The following MSI2 variants were observed in gnomAD, a reference collection of about 807,000 sequenced individuals.
MSI2 encodes the protein RNA-binding protein Musashi homolog 2.
Under a neutral mutation model 45.6 loss-of-function variants are expected in MSI2, and 17 were observed. The ratio of observed to expected loss-of-function variants is 0.37; its 90% CI spans 0.26 to 0.56. The LOEUF is 0.56. Ranked by LOEUF, MSI2 falls within the 20% of genes least tolerant of loss-of-function variation. The pLI is 0.77. For synonymous variants in MSI2, 156 were observed against 158.2 expected (o/e 0.99, Z 0.11); for missense variants, 293 against 444.2 (o/e 0.66, Z 3.06).
chr17:57,322,454 A>T (rs1913426943), intron 5 of MSI2, among the ~76,000 whole-genome samples: 1 of 152,236 alleles, frequency 6.6e-6, no homozygotes, highest in Admixed American at 6.5e-5. Context: ...TGACAATGGA[A>T]ACTATTTTTG....
intron 5 of MSI2, among the ~76,000 whole-genome samples, chr17:57,342,117 T>C (rs1023134716): frequency 3.9e-5 from 6 of 152,204 alleles, no homozygotes; most frequent in Non-Finnish European, 8.8e-5. Context: ...CTCCTCTCAT[T>C]AGGAATTGAA....
At chr17:57,438,073 C>A (rs2084723144) in intron 6 of MSI2, among the ~76,000 whole-genome samples, 1 of 152,152 alleles carries the variant, frequency 6.6e-6, no homozygotes, top group Non-Finnish European at 1.5e-5. Context: ...CCCTTCTGAA[C>A]ATGTTTGGCC....
chr17:57,603,347 G>A (rs1409257473), intron 8 of MSI2, among the ~76,000 whole-genome samples: 3 of 152,212 alleles, frequency 2.0e-5, no homozygotes, highest in Admixed American at 6.5e-5. Context: ...GACCTGCTGG[G>A]TCACTTAGAG....
chr17:57,488,796 C>T (rs182607321), intron 6 of MSI2, among the ~76,000 whole-genome samples: 6 of 151,624 alleles, frequency 4.0e-5, no homozygotes, highest in Non-Finnish European at 8.8e-5. Flanking sequence ...TGCACTCCAG[C>T]TTGGGCAACA....
intron 7 of MSI2, among the ~76,000 whole-genome samples, chr17:57,577,371 A>G (rs148674432): frequency 8.5e-4 from 129 of 152,312 alleles, no homozygotes; most frequent in Non-Finnish European, 1.6e-3. Flanking sequence ...CCACTTTGCA[A>G]ACCACTGGTG....
chr17:57,643,722 C>A (rs1910428402), intron 10 of MSI2, among the ~76,000 whole-genome samples: 1 of 152,254 alleles, frequency 6.6e-6, no homozygotes, highest in African/African-American at 2.4e-5. Context: ...TGCGATGCAC[C>A]TTCCTTTTAG....
intron 6 of MSI2, among the ~76,000 whole-genome samples, chr17:57,422,974 G>C (rs916476601): frequency 1.2e-4 from 19 of 152,094 alleles, no homozygotes; most frequent in Non-Finnish European, 2.4e-4. Context: ...ACTTCAGGAG[G>C]CTCCAGATGA....
intron 6 of MSI2, among the ~76,000 whole-genome samples, chr17:57,416,476 T>G (rs946805891): frequency 1.3e-5 from 2 of 152,232 alleles, no homozygotes; most frequent in African/African-American, 4.8e-5. Context: ...GCAGCCGCTG[T>G]AATTCACTTG....
intron 10 of MSI2, chr17:57,631,091 T>C (rs527820704): frequency 2.0e-5 from 3 of 152,440 alleles, no homozygotes; most frequent in Non-Finnish European, 4.4e-5. Flanking sequence ...GTGTCCTCAC[T>C]GTATGCCCAC....
chr17:57,356,045 TTC>T (rs56683527), intron 5 of MSI2, among the ~76,000 whole-genome samples: 1,917 of 152,206 alleles, frequency 0.013, 48 homozygotes, highest in African/African-American at 0.042. Context: ...AGCTAATTTT[TTC>T]TGTTTTTAGT....
chr17:57,324,332 G>T (rs1358331752), intron 5 of MSI2, among the ~76,000 whole-genome samples: 1 of 152,164 alleles, frequency 6.6e-6, no homozygotes, highest in Non-Finnish European at 1.5e-5. Context: ...TGAGGTGGCT[G>T]CACAGACAGG....
intron 6 of MSI2, among the ~76,000 whole-genome samples, chr17:57,481,934 A>T (rs1159005919): frequency 6.6e-6 from 1 of 152,252 alleles, no homozygotes; most frequent in Non-Finnish European, 1.5e-5. Flanking sequence ...TTATGAAATC[A>T]GTAAATTATT....
Position 57,529,534 on chromosome 17 carries a change from T to C in MSI2, c.406-142T>C, listed in dbSNP as rs2086777549. On this transcript the variant is annotated intron_variant, in intron 6 of 13. Transcript: ENST00000284073. This position sits in a 1 kb window ranked among gnomAD's most constrained non-coding sequence, Gnocchi z 5.3. The stretch of plus-strand genomic sequence containing the variant: ...CCACTGTTTTTTTTTCTTTCTACTT[T>C]TTTGCATTTTCAAATATTTTTTGAT... 1.4e-6 allele frequency: 1 copy of C among 721,010 alleles called. No individual in the cohort carries two copies. Among genetic ancestry groups the C allele is most frequent in the Non-Finnish European group, 2.4e-6 (1 of 421,582 alleles). 44.7% of individuals were successfully genotyped at this position (721,010 alleles called of 1,614,324 possible). A position where few individuals can be genotyped will look rare whatever the true frequency, so the allele number is the denominator to read the frequency against.
At chr17:57,321,317 A>G (rs1047019113) in intron 5 of MSI2, among the ~76,000 whole-genome samples, 2 of 151,950 alleles carry the variant, frequency 1.3e-5, no homozygotes, top group African/African-American at 4.8e-5. Context: ...AGGGATGGTA[A>G]TTATAGATGC....
intron 10 of MSI2, among the ~76,000 whole-genome samples, chr17:57,635,169 G>A (rs1043680564): frequency 2.2e-4 from 33 of 152,248 alleles, no homozygotes; most frequent in African/African-American, 7.2e-4. Flanking sequence ...TGCACAGGGA[G>A]CTTGCAGAAG....
intron 7 of MSI2, among the ~76,000 whole-genome samples, chr17:57,575,147 T>TCCCCCCCCCCCCCCCCC (rs371180511): frequency 1.8e-4 from 22 of 119,534 alleles, no homozygotes; most frequent in African/African-American, 3.6e-4. Context: ...CTTTTTTAAC[T>TCCCCCCCCCCCCCCCCC]CCCTCCCCCC....
intron 5 of MSI2, among the ~76,000 whole-genome samples, chr17:57,352,748 GCTTCTTGGTCT>G (rs1016644507): frequency 6.6e-6 from 1 of 151,734 alleles, no homozygotes; most frequent in African/African-American, 2.4e-5. Context: ...TTATGTTCAA[GCTTCTTGGTCT>G]CTTCTTGGTC....
chr17:57,601,658 T>A lies in MSI2; in HGVS notation c.537+4708T>A, dbSNP rs548996248. ...TACAGCCTAGAGCTTGAAATGATGT[T>A]GGGGAGCCATCACCACCCTCATTGG... On this transcript the variant is annotated intron_variant, in intron 8 of 13. Coordinates refer to ENST00000284073, the MANE Select transcript of MSI2 (RefSeq NM_138962.4). 4 of 152,260 alleles carry A rather than the reference T, an allele frequency of 2.6e-5. No individual in the cohort carries two copies. In the South Asian group the frequency reaches 8.3e-4, roughly 32 times the overall value. The allele number at this position is 152,260 out of a possible 1,614,324, so 9.4% of individuals were successfully genotyped here. A position where few individuals can be genotyped will look rare whatever the true frequency, so the allele number is the denominator to read the frequency against.
chr17:57,693,511 A>G, the MSI2 span, among the ~76,000 whole-genome samples: 1 of 152,144 alleles, frequency 6.6e-6, no homozygotes, highest in South Asian at 2.1e-4. Context: ...CAGCTAGTTA[A>G]AAGTATTTGT....
Sources: gnomAD v4.1 joint callset for allele counts (sites outside exome capture counted in the v4.1 genomes callset) on GRCh38, gnomAD v4.1.1 for gene constraint, Gnocchi (gnomAD v3.1) non-coding constraint, MANE v1.5 for transcripts, NCBI Gene and HGNC (gene_info 2026-07-23, HGNC 2026-07-21) for gene names.